Variants in TMTC2 observed in about 807,000 individuals in gnomAD.
The protein encoded by TMTC2 is protein O-mannosyl-transferase TMTC2.
TMTC2 carries 43 observed loss-of-function variants against 82.4 expected under a neutral mutation model. The observed-to-expected ratio is 0.52, with a 90% CI of 0.41 to 0.67. The LOEUF (loss-of-function observed/expected upper bound fraction) is 0.67, where lower values mean the gene tolerates loss of function less well. Among genes scored for constraint, TMTC2 ranks in the 30% least tolerant of loss-of-function variants. The pLI is 0.00. For missense variants in TMTC2, 919 were observed against 1,012.4 expected (o/e 0.91, Z 1.25); for synonymous variants, 408 against 381.9 (o/e 1.07, Z -0.80).
chr12:82,902,226 C>T (rs965854378), intron 3 of TMTC2, among the ~76,000 whole-genome samples: 5 of 150,648 alleles, frequency 3.3e-5, no homozygotes, highest in African/African-American at 9.7e-5. Flanking sequence ...TGTTGGGGTC[C>T]CGGGAAGGAA....
chr12:82,753,873 AGCG>A (rs1876152157), intron 1 of TMTC2, among the ~76,000 whole-genome samples: 1 of 152,260 alleles, frequency 6.6e-6, no homozygotes, highest in African/African-American at 2.4e-5. Context: ...GTAAAAATAA[AGCG>A]TACTATATTA....
At chr12:83,078,243 G>T (rs554451875) in intron 11 of TMTC2, among the ~76,000 whole-genome samples, 1 of 152,204 alleles carries the variant, frequency 6.6e-6, no homozygotes, top group East Asian at 1.9e-4. Context: ...CAAGGATGAG[G>T]CCTAGTCCTC....
chr12:82,712,268 A>C (rs889430537), intron 1 of TMTC2, among the ~76,000 whole-genome samples: 2 of 152,132 alleles, frequency 1.3e-5, no homozygotes, highest in African/African-American at 4.8e-5. Context: ...TGTCTCTACT[A>C]AAAATTCAAA....
intron 11 of TMTC2, among the ~76,000 whole-genome samples, chr12:83,111,698 G>A (rs1034916988): frequency 4.6e-5 from 7 of 152,060 alleles, no homozygotes; most frequent in African/African-American, 1.7e-4. Flanking sequence ...TGAGACTGGA[G>A]TTTTTGACTC....
intron 4 of TMTC2, among the ~76,000 whole-genome samples, chr12:82,949,925 G>T (rs750112466): frequency 6.6e-6 from 1 of 152,186 alleles, no homozygotes; most frequent in Admixed American, 6.5e-5. Context: ...GAGGTTGACT[G>T]TCATTGGGAG....
chr12:82,760,301 G>A (rs1182522147), intron 1 of TMTC2: 1 of 151,872 alleles, frequency 6.6e-6, no homozygotes, highest in African/African-American at 2.4e-5. Context: ...TTTTCTGACA[G>A]TCATTTGACC....
At chr12:83,089,824 C>CA (rs755437062) in intron 11 of TMTC2, among the ~76,000 whole-genome samples, 21 of 123,508 alleles carry the variant, frequency 1.7e-4, no homozygotes, top group East Asian at 9.1e-4. Flanking sequence ...TTGATAATAG[C>CA]AAAAAAAACA....
rs145661898 is a variant in TMTC2 at position 82,827,132 on chromosome 12, C to G, written c.84-29878C>G. On this transcript the variant is annotated intron_variant, in intron 1 of 11. Coordinates refer to ENST00000321196, the MANE Select transcript of TMTC2 (RefSeq NM_152588.3). The stretch of plus-strand genomic sequence containing the variant: ...GGTAGGTCTAATATAAATAAATCAT[C>G]ATAAGGAATACAAGGAGTAAGATGT... 5.0e-3 allele frequency among the ~76,000 whole-genome samples: 763 copies of G among 152,180 alleles called. 9 individuals carry two copies. Among genetic ancestry groups the G allele is most frequent in the African/African-American group, 0.017 (726 of 41,502 alleles).
chr12:82,890,185 T>C (rs908811302), intron 2 of TMTC2, among the ~76,000 whole-genome samples: 2 of 152,314 alleles, frequency 1.3e-5, no homozygotes, highest in Non-Finnish European at 2.9e-5. Context: ...TGAGATTGAG[T>C]ATCTTTTCAG....
intron 8 of TMTC2, among the ~76,000 whole-genome samples, chr12:82,995,895 C>T (rs1292341318): frequency 6.6e-6 from 1 of 152,174 alleles, no homozygotes; most frequent in Non-Finnish European, 1.5e-5. Flanking sequence ...CCTTGAATCC[C>T]CCAAGGGACT....
rs996674612 is a variant in TMTC2, at chr12:82,989,847, C to T, written c.2070+3801C>T. Among the ~76,000 whole-genome samples, 4 of 151,824 alleles carry T rather than the reference C, an allele frequency of 2.6e-5. No homozygotes were observed. In the East Asian group the frequency reaches 5.8e-4, roughly 22 times the overall value. ...ACTACAATCCAAATTTTTAATCCCC[C>T]CCACCAAGACTTTTATAGTTTCCGA... is the stretch of plus-strand genomic sequence containing the variant. On this transcript the variant is annotated intron_variant, in intron 8 of 11. Transcript: ENST00000321196.
intron 1 of TMTC2, among the ~76,000 whole-genome samples, chr12:82,719,085 ATTTTTTTTTTT>A (rs71068944): frequency 2.4e-5 from 1 of 41,406 alleles, no homozygotes; most frequent in Non-Finnish European, 3.8e-5. Context: ...ATATATATAT[ATTTTTTTTTTT>A]TTTTTTTTTT....
At chr12:82,702,895 C>T (rs1873150110) in intron 1 of TMTC2, among the ~76,000 whole-genome samples, 1 of 152,068 alleles carries the variant, frequency 6.6e-6, no homozygotes, top group African/African-American at 2.4e-5. Flanking sequence ...ACCTGTGGTA[C>T]CAGATACTCA....
intron 11 of TMTC2, among the ~76,000 whole-genome samples, chr12:83,070,353 T>C (rs1411333904): frequency 6.6e-6 from 1 of 152,180 alleles, no homozygotes; most frequent in African/African-American, 2.4e-5. Flanking sequence ...GTTTCATCTG[T>C]GATTTCTTTC....
intron 2 of TMTC2, among the ~76,000 whole-genome samples, chr12:82,890,180 TTGAG>T (rs1428401921): frequency 2.0e-5 from 3 of 152,186 alleles, no homozygotes; most frequent in Admixed American, 6.5e-5. Flanking sequence ...ACTCATGAGA[TTGAG>T]TATCTTTTCA....
intron 3 of TMTC2, among the ~76,000 whole-genome samples, chr12:82,915,254 T>C (rs1214721997): frequency 6.6e-6 from 1 of 152,212 alleles, no homozygotes; most frequent in Non-Finnish European, 1.5e-5. Context: ...TTATTGTTCC[T>C]CCTTATTAGT....
chr12:83,091,971 T>A (rs936317069), intron 11 of TMTC2, among the ~76,000 whole-genome samples: 2 of 152,206 alleles, frequency 1.3e-5, no homozygotes, highest in Non-Finnish European at 2.9e-5. Context: ...AGTTGTAGAT[T>A]TATCCCTGTA....
intron 7 of TMTC2, among the ~76,000 whole-genome samples, chr12:82,967,441 T>C (rs1472157437): frequency 2.6e-5 from 4 of 152,150 alleles, no homozygotes; most frequent in Non-Finnish European, 5.9e-5. Context: ...ACAATAGATA[T>C]GCTACAACAA....
intron 1 of TMTC2, among the ~76,000 whole-genome samples, chr12:82,848,408 G>C (rs1870802121): frequency 6.6e-6 from 1 of 152,032 alleles, no homozygotes. Flanking sequence ...CATCTGTTTT[G>C]TGTTCTCCCA....
Sources: allele counts gnomAD v4.1 joint callset (sites outside exome capture counted in the v4.1 genomes callset), GRCh38; gene constraint gnomAD v4.1.1; transcripts MANE v1.5; gene names NCBI Gene and HGNC (gene_info 2026-07-23, HGNC 2026-07-21).